Variants in PMP22 observed in about 807,000 individuals in gnomAD.
PMP22 encodes the protein Charcot-Marie-Tooth neuropathy 1A (greatly reduced nerve conduction velocity, hereditary motor sensory neuropathy Ia).
A neutral mutation model predicts 18.9 loss-of-function variants in PMP22; 2 were observed. The observed-to-expected ratio is 0.11, with a 90% CI of 0.04 to 0.33. The LOEUF (loss-of-function observed/expected upper bound fraction) is 0.33. Ranked by LOEUF, PMP22 falls within the 10% of genes least tolerant of loss-of-function variation. The pLI, the probability that PMP22 is intolerant of heterozygous loss-of-function variation, is 1.00. For synonymous variants in PMP22, 95 were observed against 89.2 expected, an observed-to-expected ratio of 1.07 and a Z score of -0.37; for missense variants, 169 against 202.2, an observed-to-expected ratio of 0.84 and a Z score of 1.00.
At chr17:15,263,868 A>G (rs907198840) in intron 1 of PMP22, among the ~76,000 whole-genome samples, 1 of 152,142 alleles carries the variant, frequency 6.6e-6, no homozygotes, top group African/African-American at 2.4e-5. Flanking sequence ...CTTTATATGC[A>G]TGGTCTGTGA....
At chr17:15,260,395 G>C (rs1909210881) in intron 2 of PMP22, 1 of 555,882 alleles carries the variant, frequency 1.8e-6, no homozygotes. Context: ...ACCCTAGATC[G>C]GCTCTGAAGT....
intron 1 of PMP22, among the ~76,000 whole-genome samples, chr17:15,263,581 G>GCGCA (rs1909509200): frequency 1.1e-5 from 1 of 87,300 alleles, no homozygotes; most frequent in African/African-American, 7.1e-5. Flanking sequence ...ACGCACGCGC[G>GCGCA]CGCACACACA....
intron 3 of PMP22, among the ~76,000 whole-genome samples, chr17:15,247,122 C>G (rs1420620667): frequency 2.0e-5 from 3 of 148,000 alleles, no homozygotes; most frequent in Non-Finnish European, 4.4e-5. Flanking sequence ...GTAATCCCAG[C>G]ACTTTGGGAG....
chr17:15,233,548 C>T (rs1315561767), intron 4 of PMP22, among the ~76,000 whole-genome samples: 2 of 152,198 alleles, frequency 1.3e-5, no homozygotes, highest in African/African-American at 4.8e-5. Context: ...AAGGAAGCAC[C>T]CAAGGGGCCA....
chr17:15,236,439 G>A (rs1906824592), intron 4 of PMP22, among the ~76,000 whole-genome samples: 1 of 152,058 alleles, frequency 6.6e-6, no homozygotes, highest in African/African-American at 2.4e-5. Context: ...AGCCCTCACA[G>A]CCACTTCCGG....
At chr17:15,236,370 G>A (rs911179603) in intron 4 of PMP22, among the ~76,000 whole-genome samples, 1 of 152,090 alleles carries the variant, frequency 6.6e-6, no homozygotes, top group Non-Finnish European at 1.5e-5. Context: ...AAGCTGATGT[G>A]TGCCATCCAT....
chr17:15,235,080 A>C (rs564410916), intron 4 of PMP22: 1 of 618,786 alleles, frequency 1.6e-6, no homozygotes, highest in Admixed American at 2.6e-5. Flanking sequence ...TCAGTCTTTC[A>C]AAGTGTTGGG....
At chr17:15,233,269 G>A (rs1337349291) in intron 4 of PMP22, among the ~76,000 whole-genome samples, 1 of 152,180 alleles carries the variant, frequency 6.6e-6, no homozygotes, top group Non-Finnish European at 1.5e-5. Flanking sequence ...ACAGGCAGAT[G>A]TTCTGCTCTT....
chr17:15,229,844 CA>C lies in PMP22; in HGVS notation c.*1072del, dbSNP rs1233816232. The stretch of plus-strand genomic sequence containing the variant: ...ACAGTTGGTATAAAATCAGAAAATG[CA>C]AAGCAAAAACAAAAGGTCTGGAGTC... On this transcript the variant is annotated 3_prime_UTR_variant, in exon 5 of 5. Transcript: ENST00000312280. 6.6e-6 allele frequency: 1 copy of C among 152,544 alleles called. No homozygotes were observed. The highest frequency in any genetic ancestry group is 2.1e-4 in the South Asian group (1 of 4,826). 9.4% of individuals were successfully genotyped at this position (152,544 alleles called of 1,614,324 possible).
chr17:15,255,356 C>G (rs1053908937), intron 3 of PMP22, among the ~76,000 whole-genome samples: 8 of 152,162 alleles, frequency 5.3e-5, no homozygotes, highest in Non-Finnish European at 8.8e-5. Context: ...TGTCACATTT[C>G]ATTAAAAGAA....
At chr17:15,233,992 G>A (rs149698575) in intron 4 of PMP22, among the ~76,000 whole-genome samples, 285 of 152,302 alleles carry the variant, frequency 1.9e-3, no homozygotes, top group Non-Finnish European at 3.4e-3. Context: ...TCAGACGCAC[G>A]TTTTAGAATG....
At chr17:15,235,180 G>C (rs1597602480) in intron 4 of PMP22, 1 of 716,812 alleles carries the variant, frequency 1.4e-6, no homozygotes, top group East Asian at 2.7e-5. Flanking sequence ...CAAAACAAAT[G>C]AACAACAATA....
At chr17:15,257,458 T>C (rs1466510987) in intron 3 of PMP22, among the ~76,000 whole-genome samples, 1 of 152,216 alleles carries the variant, frequency 6.6e-6, no homozygotes, top group African/African-American at 2.4e-5. Flanking sequence ...CAGATGCCAC[T>C]TGGGGATGGC....
intron 4 of PMP22, among the ~76,000 whole-genome samples, chr17:15,231,490 A>C (rs1906346838): frequency 1.3e-5 from 2 of 152,266 alleles, no homozygotes; most frequent in South Asian, 4.2e-4. Flanking sequence ...TGGTGGCATT[A>C]CCTAAAGCCA....
At chr17:15,236,466 C>G (rs1004567553) in intron 4 of PMP22, among the ~76,000 whole-genome samples, 5 of 152,138 alleles carry the variant, frequency 3.3e-5, no homozygotes, top group African/African-American at 1.2e-4. Context: ...CACAGAGATT[C>G]TAGTGGTTTC....
chr17:15,264,233 G>GGT lies in PMP22; in HGVS notation c.-35+920_-35+921insAC, dbSNP rs1567721981. Among the ~76,000 whole-genome samples the GGT allele has an allele frequency of 4.8e-4, 46 of 95,026 alleles. No homozygotes were observed. The East Asian group carries it at 5.2e-3, about 11-fold the overall frequency. The allele number at this position is 95,026 out of a possible 152,430, so 62.3% of individuals were successfully genotyped here. A position where few individuals can be genotyped will look rare whatever the true frequency, so the allele number is the denominator to read the frequency against. Reference sequence around the variant, plus strand: ...TGATAGGTAGGTAGGTAGGTAGGTAGATAGATAGATAGATAGATAGATATA... The same window carrying GGT: ...TGATAGGTAGGTAGGTAGGTAGGTAGGTATAGATAGATAGATAGATAGATATA... On this transcript the variant is annotated intron_variant, in intron 1 of 4. Transcript: ENST00000312280.
At chr17:15,249,738 T>C (rs1290452075) in intron 3 of PMP22, among the ~76,000 whole-genome samples, 1 of 151,974 alleles carries the variant, frequency 6.6e-6, no homozygotes, top group African/African-American at 2.4e-5. Context: ...GTTTGAAGAG[T>C]CATCGTGTAG....
At chr17:15,260,545 C>A (rs1344025168) in intron 2 of PMP22, 105 bp downstream of exon 2, 3 of 987,946 alleles carry the variant, frequency 3.0e-6, no homozygotes, top group Non-Finnish European at 4.7e-6. Context: ...TCTGAGACTT[C>A]CAACTGTCTG....
At chr17:15,246,724 C>T (rs1046638870) in intron 3 of PMP22, among the ~76,000 whole-genome samples, 2 of 152,214 alleles carry the variant, frequency 1.3e-5, no homozygotes, top group Non-Finnish European at 2.9e-5. Flanking sequence ...TGTGGAGTTT[C>T]CAGTGGAAGT....
Sources: gnomAD v4.1 joint callset for allele counts (sites outside exome capture counted in the v4.1 genomes callset) on GRCh38, gnomAD v4.1.1 for gene constraint, MANE v1.5 for transcripts, NCBI Gene and HGNC (gene_info 2026-07-23, HGNC 2026-07-21) for gene names.